Variants in LIPC observed in about 807,000 individuals in gnomAD.
LIPC encodes hepatic triacylglycerol lipase.
A neutral mutation model predicts 50.7 loss-of-function variants in LIPC; 44 were observed. The ratio of observed to expected loss-of-function variants is 0.87; its 90% CI spans 0.68 to 1.11. The LOEUF is 1.11. Among genes scored for constraint, LIPC ranks in the 50% most tolerant of loss-of-function variants. The pLI is 0.00. For missense variants in LIPC, 697 were observed against 648.2 expected, an observed-to-expected ratio of 1.08 and a Z score of -0.82; for synonymous variants, 271 against 256.4, an observed-to-expected ratio of 1.06 and a Z score of -0.54.
intron 1 of LIPC, among the ~76,000 whole-genome samples, chr15:58,507,555 A>G (rs10518982): frequency 0.021 from 3,210 of 152,320 alleles, 106 homozygotes; most frequent in African/African-American, 0.072. Flanking sequence ...GGAAAACGAA[A>G]AGAGCTCACT....
At chr15:58,489,435 A>C (rs79610314) in intron 1 of LIPC, among the ~76,000 whole-genome samples, 18,051 of 152,008 alleles carry the variant, frequency 0.12, 1,271 homozygotes, top group Non-Finnish European at 0.17. Context: ...AGGGTTTTTC[A>C]AGGATAGTTT....
rs141912621 is a variant in LIPC at position 58,542,063 on chromosome 15, CAGG to C, written c.456+99_456+101del. On this transcript the variant is annotated intron_variant, in intron 3 of 8. Transcript: ENST00000299022. The stretch of plus-strand genomic sequence containing the variant: ...AGCTGGTCTCCAACAGCAGCCCAGG[CAGG>C]AGAAGCACTAATGCTCAGCTCACAG... 2,455 of 1,336,776 alleles carry C rather than the reference CAGG, an allele frequency of 1.8e-3. 36 individuals carry two copies. In the African/African-American group the frequency reaches 0.032, roughly 18 times the overall value. The allele number at this position is 1,336,776 out of a possible 1,614,324, so 82.8% of individuals were successfully genotyped here. A position where few individuals can be genotyped will look rare whatever the true frequency, so the allele number is the denominator to read the frequency against.
chr15:58,511,733 G>T (rs1892335072), intron 1 of LIPC, among the ~76,000 whole-genome samples: 1 of 152,178 alleles, frequency 6.6e-6, no homozygotes, highest in South Asian at 2.1e-4. Flanking sequence ...TATAGAGAAA[G>T]GTCTATGAAT....
chr15:58,506,821 T>C (rs1159896081), intron 1 of LIPC, among the ~76,000 whole-genome samples: 1 of 152,158 alleles, frequency 6.6e-6, no homozygotes, highest in African/African-American at 2.4e-5. Flanking sequence ...AATAAAGACA[T>C]ATTTGAGAAA....
intron 1 of LIPC, among the ~76,000 whole-genome samples, chr15:58,513,986 G>A (rs773561091): frequency 5.9e-5 from 9 of 152,192 alleles, no homozygotes; most frequent in South Asian, 2.1e-4. Flanking sequence ...AATCATTTCC[G>A]TGACGAGCTG....
intron 1 of LIPC, among the ~76,000 whole-genome samples, chr15:58,488,939 T>C (rs1891471082): frequency 2.0e-5 from 3 of 152,308 alleles, no homozygotes; most frequent in Middle Eastern, 6.8e-3. Flanking sequence ...CTTCTGGTTT[T>C]GTCATCTGCA....
chr15:58,560,291 G>A (rs1382322730), intron 6 of LIPC, among the ~76,000 whole-genome samples: 1 of 152,154 alleles, frequency 6.6e-6, no homozygotes, highest in Non-Finnish European at 1.5e-5. Context: ...TAGAACTACA[G>A]TTATCTTATT....
At chr15:58,501,019 C>T (rs1200343797) in intron 1 of LIPC, among the ~76,000 whole-genome samples, 3 of 152,058 alleles carry the variant, frequency 2.0e-5, no homozygotes, top group African/African-American at 7.2e-5. Flanking sequence ...TTTCTCCCAT[C>T]TTTCCTCATG....
intron 1 of LIPC, among the ~76,000 whole-genome samples, chr15:58,515,788 G>C (rs889173002): frequency 8.5e-5 from 13 of 152,072 alleles, no homozygotes; most frequent in African/African-American, 2.9e-4. Context: ...AGAAATGTAG[G>C]GGTCAAGGGT....
intron 1 of LIPC, among the ~76,000 whole-genome samples, chr15:58,465,206 C>G (rs1303042653): frequency 1.3e-5 from 2 of 152,152 alleles, no homozygotes; most frequent in Non-Finnish European, 2.9e-5. Flanking sequence ...ATGTCACCCC[C>G]CTTCTTCCAA....
At chr15:58,548,970 A>G (rs1251335861) in intron 6 of LIPC, among the ~76,000 whole-genome samples, 1 of 152,210 alleles carries the variant, frequency 6.6e-6, no homozygotes, top group Non-Finnish European at 1.5e-5. Flanking sequence ...CACGGCCCCC[A>G]TGAAAAAACT....
intron 6 of LIPC, among the ~76,000 whole-genome samples, chr15:58,558,459 T>G (rs1894035201): frequency 6.6e-6 from 1 of 152,198 alleles, no homozygotes; most frequent in African/African-American, 2.4e-5. Flanking sequence ...TGAGCATCTA[T>G]TGTATTACAG....
At chr15:58,534,786 G>A (rs1893061033) in intron 1 of LIPC, among the ~76,000 whole-genome samples, 1 of 152,170 alleles carries the variant, frequency 6.6e-6, no homozygotes, top group African/African-American at 2.4e-5. Flanking sequence ...AGATCACATA[G>A]TGTACATTTT....
chr15:58,560,479 G>A (rs754322110), intron 6 of LIPC, among the ~76,000 whole-genome samples: 1 of 152,142 alleles, frequency 6.6e-6, no homozygotes, highest in Non-Finnish European at 1.5e-5. Flanking sequence ...CTCTTGCCTT[G>A]TCAAATGCCT....
intron 8 of LIPC, chr15:58,566,095 C>T: frequency 5.1e-6 from 5 of 973,448 alleles, no homozygotes; most frequent in Non-Finnish European, 6.1e-6. Context: ...TTTAGTGAGT[C>T]TGGGGTGAGC....
chr15:58,524,208 C>T (rs1400594876), intron 1 of LIPC, among the ~76,000 whole-genome samples: 2 of 152,158 alleles, frequency 1.3e-5, no homozygotes, highest in Non-Finnish European at 2.9e-5. Flanking sequence ...ACTTTAGATA[C>T]TGTTCTGCAC....
intron 1 of LIPC, among the ~76,000 whole-genome samples, chr15:58,467,393 C>A (rs1231540577): frequency 6.6e-6 from 1 of 152,300 alleles, no homozygotes; most frequent in South Asian, 2.1e-4. Context: ...GCCTGATTTG[C>A]ACGTATTGGT....
intron 1 of LIPC, chr15:58,454,810 G>A (rs1355968939): frequency 6.6e-6 from 1 of 152,220 alleles, no homozygotes; most frequent in Non-Finnish European, 1.5e-5. Context: ...ATTTTCCCCA[G>A]GGAAGATGAA....
Position 58,542,340 on chromosome 15 carries a change from A to C in LIPC, c.457-194A>C, listed in dbSNP as rs7177852. Among the ~76,000 whole-genome samples the C allele has an allele frequency of 0.99, 151,308 of 152,308 alleles. 75,168 individuals are homozygous for C. The highest frequency in any genetic ancestry group is 1 in the Middle Eastern group (294 of 294). ...CAGGCAGGCAGGAGGCTGCAGCTAC[A>C]AGGCGAGGTCACAGGTACCTGAGTC... is the stretch of plus-strand genomic sequence containing the variant. On this transcript the variant is annotated intron_variant, in intron 3 of 8. Coordinates refer to ENST00000299022, the MANE Select transcript of LIPC (RefSeq NM_000236.3).
Sources: allele counts gnomAD v4.1 joint callset (sites outside exome capture counted in the v4.1 genomes callset), GRCh38; gene constraint gnomAD v4.1.1; transcripts MANE v1.5; gene names NCBI Gene and HGNC (gene_info 2026-07-23, HGNC 2026-07-21).